Variants in ADRA1A observed in about 807,000 individuals in gnomAD.
ADRA1A encodes the protein alpha-1A adrenergic receptor.
Under a neutral mutation model 29.6 loss-of-function variants are expected in ADRA1A, and 31 were observed. The observed-to-expected ratio is 1.05, with a 90% CI of 0.79 to 1.41. ADRA1A has a LOEUF of 1.41. Among genes scored for constraint, ADRA1A ranks in the 40% most tolerant of loss-of-function variants. ADRA1A has a pLI of 0.00. For synonymous variants in ADRA1A, 311 were observed against 254.3 expected, an observed-to-expected ratio of 1.22 and a Z score of -2.12; for missense variants, 619 against 601.1, an observed-to-expected ratio of 1.03 and a Z score of -0.31.
At chr8:26,854,423 C>CGGGG (rs1220019339) in intron 2 of ADRA1A, 10 of 26,764 alleles carry the variant, frequency 3.7e-4, no homozygotes, top group African/African-American at 7.1e-4. Context: ...TAAAGCGGGG[C>CGGGG]GGGGGGGGGG....
intron 2 of ADRA1A, among the ~76,000 whole-genome samples, chr8:26,793,875 G>A (rs1344539698): frequency 6.6e-6 from 1 of 151,932 alleles, no homozygotes; most frequent in Non-Finnish European, 1.5e-5. Flanking sequence ...GAGTCTTTAA[G>A]TATGTAAAAA....
intron 2 of ADRA1A, among the ~76,000 whole-genome samples, chr8:26,773,054 A>G (rs963365337): frequency 5.3e-5 from 8 of 152,230 alleles, no homozygotes; most frequent in African/African-American, 1.9e-4. Flanking sequence ...ATCGTTAGTA[A>G]CATGAAGAGT....
At chr8:26,764,643 T>C (rs1255515501), downstream of ADRA1A, among the ~76,000 whole-genome samples, 1 of 152,230 alleles carries the variant, frequency 6.6e-6, no homozygotes. Flanking sequence ...CTTTATATGC[T>C]AAAGTGTAGG....
intron 2 of ADRA1A, chr8:26,836,013 G>T: frequency 6.0e-6 from 1 of 166,714 alleles, no homozygotes; most frequent in Non-Finnish European, 1.3e-5. Context: ...CTTTAGCCCA[G>T]CTGTCATCCT....
chr8:26,785,783 G>T (rs760458696), intron 2 of ADRA1A, among the ~76,000 whole-genome samples: 3 of 152,130 alleles, frequency 2.0e-5, no homozygotes, highest in Non-Finnish European at 4.4e-5. Context: ...ATGCTAGTCT[G>T]CTTGATTCTG....
Position 26,769,227 on chromosome 8 carries a change from A to G in ADRA1A, c.*922T>C. The G allele has an allele frequency of 3.0e-6, 3 of 985,382 alleles. No individual in the cohort carries two copies. The highest frequency in any genetic ancestry group is 3.6e-6 in the Non-Finnish European group (3 of 829,874). 61.0% of individuals were successfully genotyped at this position (985,382 alleles called of 1,614,324 possible). A position where few individuals can be genotyped will look rare whatever the true frequency, so the allele number is the denominator to read the frequency against. On this transcript the variant is annotated 3_prime_UTR_variant, in exon 3 of 3. Transcript: ENST00000380573. ...GTGATTTGTCAAGAAAGGCTTTTGT[A>G]AGCCATGTTGAAATGGCTGTGCAGT...
At chr8:26,758,690 G>C (rs1290933588) in intron 2 of ADRA1A, among the ~76,000 whole-genome samples, 2 of 152,168 alleles carry the variant, frequency 1.3e-5, no homozygotes, top group African/African-American at 2.4e-5. Flanking sequence ...CCATTTTCCA[G>C]GTCCTTCCAG....
rs1365536591 is a variant in ADRA1A, at chr8:26,823,902, C to A, written c.883+40185G>T. 6.6e-6 allele frequency among the ~76,000 whole-genome samples: 1 copy of A among 152,178 alleles called. No homozygotes were observed. Among genetic ancestry groups the A allele is most frequent in the Non-Finnish European group, 1.5e-5 (1 of 68,040 alleles). ...GGAAATGAAATCTTCATACTCCAAG[C>A]CTTTCTTTGGGTCTTTGTTCCACGC... On this transcript the variant is annotated intron_variant, in intron 2 of 2. Coordinates refer to ENST00000380573, the MANE Select transcript of ADRA1A (RefSeq NM_000680.4). The surrounding 1 kb of genome is among the most constrained non-coding windows in gnomAD (Gnocchi z 4.2).
chr8:26,772,546 A>T (rs1031052850), intron 2 of ADRA1A, among the ~76,000 whole-genome samples: 1 of 152,208 alleles, frequency 6.6e-6, no homozygotes, highest in African/African-American at 2.4e-5. Flanking sequence ...AAAAAGGAGT[A>T]TGTTGAATGG....
chr8:26,833,932 T>C (rs1811167651), intron 2 of ADRA1A, among the ~76,000 whole-genome samples: 1 of 152,220 alleles, frequency 6.6e-6, no homozygotes, highest in Admixed American at 6.5e-5. Flanking sequence ...AAAGGTGAGT[T>C]ATATGTATTG....
chr8:26,843,246 A>C (rs1811959530), intron 2 of ADRA1A, among the ~76,000 whole-genome samples: 3 of 152,220 alleles, frequency 2.0e-5, no homozygotes, highest in Non-Finnish European at 1.5e-5. Flanking sequence ...GCAGATGCTC[A>C]GTGCTTTGTG....
At position 26,864,060 on chromosome 8, in the gene ADRA1A, C is replaced by A; in HGVS notation, c.883+27G>T. On this transcript the variant is annotated intron_variant, in intron 2 of 2. Transcript: ENST00000380573. This position sits in a 1 kb window ranked among gnomAD's most constrained non-coding sequence, Gnocchi z 8.1. Reference sequence around the variant, plus strand: ...CGAGGAGGGTGAAGACCCCCAGATGCTAAAGTGAGGGGTGTTCAAGACTTA... The same window carrying A: ...CGAGGAGGGTGAAGACCCCCAGATGATAAAGTGAGGGGTGTTCAAGACTTA... 1 of 1,589,374 alleles carries A rather than the reference C, an allele frequency of 6.3e-7. No homozygotes were observed. The highest frequency in any genetic ancestry group is 1.2e-5 in the South Asian group (1 of 86,496).
intron 2 of ADRA1A, among the ~76,000 whole-genome samples, chr8:26,789,009 G>A (rs1019895325): frequency 6.6e-6 from 1 of 152,120 alleles, no homozygotes; most frequent in African/African-American, 2.4e-5. Flanking sequence ...AGACATACAT[G>A]TGCAATGGTG....
chr8:26,827,582 G>A (rs965637582), intron 2 of ADRA1A, among the ~76,000 whole-genome samples: 1 of 152,176 alleles, frequency 6.6e-6, no homozygotes, highest in African/African-American at 2.4e-5. Context: ...AAGGTGGAAG[G>A]GACAAGACAG....
At chr8:26,789,073 A>C (rs1046168006) in intron 2 of ADRA1A, among the ~76,000 whole-genome samples, 7 of 151,900 alleles carry the variant, frequency 4.6e-5, no homozygotes, top group Admixed American at 4.6e-4. Flanking sequence ...CATGCATTAG[A>C]CCTATGTCTT....
At position 26,865,543 on chromosome 8, in the gene ADRA1A, C is replaced by T. The variant is rs1438291511; in HGVS notation, c.-574G>A. On this transcript the variant is annotated 5_prime_UTR_variant, in exon 2 of 3. Coordinates refer to ENST00000380573, the MANE Select transcript of ADRA1A (RefSeq NM_000680.4). The surrounding 1 kb of genome is among the most constrained non-coding windows in gnomAD (Gnocchi z 7.6). The stretch of plus-strand genomic sequence containing the variant: ...CGCAGTTACCTACATTTTGAGCTGC[C>T]CCACCGAAGGCTCCTGCTCTCTCCA... 5.0e-6 allele frequency: 5 copies of T among 993,002 alleles called. No individual in the cohort carries two copies. The highest frequency in any genetic ancestry group is 6.0e-6 in the Non-Finnish European group (5 of 834,630). The allele number at this position is 993,002 out of a possible 1,614,324, so 61.5% of individuals were successfully genotyped here. A position where few individuals can be genotyped will look rare whatever the true frequency, so the allele number is the denominator to read the frequency against.
intron 2 of ADRA1A, among the ~76,000 whole-genome samples, chr8:26,793,688 C>A (rs72609954): frequency 6.6e-6 from 1 of 151,678 alleles, no homozygotes. Flanking sequence ...AGTAAAAAAC[C>A]GTATGCAGAT....
intron 2 of ADRA1A, among the ~76,000 whole-genome samples, chr8:26,861,277 T>C (rs547158447): frequency 1.8e-4 from 27 of 150,632 alleles, no homozygotes; most frequent in Admixed American, 6.0e-4. Context: ...TCTCCTGTTT[T>C]TCCTGACCTG....
downstream of ADRA1A, among the ~76,000 whole-genome samples, chr8:26,752,576 AAAG>A (rs753434254): frequency 6.6e-6 from 1 of 152,190 alleles, no homozygotes; most frequent in Non-Finnish European, 1.5e-5. Context: ...TTTTGTTAGA[AAAG>A]AAATTATTTT....
Sources: allele counts gnomAD v4.1 joint callset (sites outside exome capture counted in the v4.1 genomes callset), GRCh38; gene constraint gnomAD v4.1.1; non-coding constraint Gnocchi (gnomAD v3.1); transcripts MANE v1.5; gene names NCBI Gene and HGNC (gene_info 2026-07-23, HGNC 2026-07-21).